Variants in MYO10 observed in about 807,000 individuals in gnomAD.
MYO10 encodes the protein myosin X.
Under a neutral mutation model 257.3 loss-of-function variants are expected in MYO10, and 133 were observed. The observed-to-expected ratio is 0.52, with a 90% confidence interval of 0.45 to 0.60. MYO10 has a LOEUF of 0.60. MYO10 is among the 20% of genes least tolerant of loss of function. The pLI, the probability that MYO10 is intolerant of heterozygous loss-of-function variation, is 0.00. For missense variants in MYO10, 2,399 were observed against 2,635.7 expected (o/e 0.91, Z 1.97); for synonymous variants, 1,104 against 1,028.6 (o/e 1.07, Z -1.40).
chr5:16,666,548 C>G lies in MYO10; in HGVS notation c.*144G>C, dbSNP rs966690273. ...TGAAGGCGGCAGGCAAAAGGATCCTCGGAGACACCTCCCTCAGACCAGAAG... is the reference window on the plus strand; with the variant it reads ...TGAAGGCGGCAGGCAAAAGGATCCTGGGAGACACCTCCCTCAGACCAGAAG... On this transcript the variant is annotated 3_prime_UTR_variant, in exon 41 of 41. Coordinates refer to ENST00000513610, the MANE Select transcript of MYO10 (RefSeq NM_012334.3). 3.1e-6 allele frequency: 2 copies of G among 637,972 alleles called. No homozygotes were observed. The highest frequency in any genetic ancestry group is 1.8e-5 in the African/African-American group (1 of 54,120). The allele number at this position is 637,972 out of a possible 1,614,324, so 39.5% of individuals were successfully genotyped here.
intron 27 of MYO10, among the ~76,000 whole-genome samples, chr5:16,693,811 T>C (rs1397056072): frequency 6.6e-6 from 1 of 152,140 alleles, no homozygotes; most frequent in Non-Finnish European, 1.5e-5. Flanking sequence ...AGGCCCTCAA[T>C]AGTCCAAAGC....
chr5:16,924,889 G>A (rs977377553), intron 1 of MYO10, among the ~76,000 whole-genome samples: 1 of 145,082 alleles, frequency 6.9e-6, no homozygotes, highest in Non-Finnish European at 1.5e-5. Context: ...GGAGTGCAGT[G>A]GCACGATCTC....
intron 36 of MYO10, among the ~76,000 whole-genome samples, chr5:16,673,236 T>G (rs2126471010): frequency 6.8e-6 from 1 of 147,280 alleles, no homozygotes; most frequent in African/African-American, 2.5e-5. Flanking sequence ...GGGGTCGGGG[T>G]GGTGGTTATT....
chr5:16,876,610 AGTG>A (rs1744611336), intron 2 of MYO10, among the ~76,000 whole-genome samples: 1 of 152,156 alleles, frequency 6.6e-6, no homozygotes, highest in South Asian at 2.1e-4. Flanking sequence ...ACCTGAGTGC[AGTG>A]GTGCAATCTC....
At chr5:16,891,718 T>A (rs1455562036) in intron 1 of MYO10, among the ~76,000 whole-genome samples, 1 of 152,156 alleles carries the variant, frequency 6.6e-6, no homozygotes, top group South Asian at 2.1e-4. Context: ...ATTCACTCCC[T>A]GGAATCCGTT....
chr5:16,729,453 A>ATTTTTT (rs1314577938), intron 19 of MYO10, among the ~76,000 whole-genome samples: 1 of 138,140 alleles, frequency 7.2e-6, no homozygotes, highest in Non-Finnish European at 1.6e-5. Context: ...TGTATTTTCT[A>ATTTTTT]TTTTTTTTTT....
At chr5:16,777,391 T>C (rs916946546) in intron 9 of MYO10, among the ~76,000 whole-genome samples, 13 of 152,180 alleles carry the variant, frequency 8.5e-5, no homozygotes. Flanking sequence ...AGGAGACACA[T>C]GTTAGCCATA....
chr5:16,896,939 G>C (rs1159190796), intron 1 of MYO10, among the ~76,000 whole-genome samples: 1 of 152,112 alleles, frequency 6.6e-6, no homozygotes, highest in African/African-American at 2.4e-5. Context: ...AAGGAAGGAA[G>C]GAAGGGAGAA....
intron 17 of MYO10, among the ~76,000 whole-genome samples, chr5:16,758,985 G>A (rs913127904): frequency 7.3e-5 from 11 of 151,716 alleles, no homozygotes; most frequent in South Asian, 2.1e-4. Flanking sequence ...GCAGTGGTGC[G>A]ATCTCGGCTC....
At chr5:16,762,479 G>A in intron 15 of MYO10, 66 bp downstream of exon 15, 7 of 1,268,060 alleles carry the variant, frequency 5.5e-6, no homozygotes, top group Non-Finnish European at 7.8e-6. Context: ...TGACATGTCT[G>A]GTGTGTAATC....
intron 4 of MYO10, among the ~76,000 whole-genome samples, chr5:16,785,534 G>A (rs1217835715): frequency 6.6e-6 from 1 of 152,194 alleles, no homozygotes; most frequent in Non-Finnish European, 1.5e-5. Flanking sequence ...TTATCCTCGG[G>A]CACACAGAAG....
At chr5:16,675,180 A>G in intron 34 of MYO10, 30 bp from the exon 35 acceptor site, 1 of 1,606,732 alleles carries the variant, frequency 6.2e-7, no homozygotes, top group Non-Finnish European at 8.5e-7. Context: ...CACGGAACTC[A>G]TCTGAGGGGT....
intron 2 of MYO10, among the ~76,000 whole-genome samples, chr5:16,869,191 ATTTTTTT>A (rs70943814): frequency 3.5e-5 from 4 of 115,864 alleles, no homozygotes; most frequent in African/African-American, 6.7e-5. Flanking sequence ...CACCCGGCTA[ATTTTTTT>A]TTTTTTTTTT....
chr5:16,858,681 C>T (rs894746177), intron 2 of MYO10, among the ~76,000 whole-genome samples: 1 of 152,086 alleles, frequency 6.6e-6, no homozygotes, highest in Non-Finnish European at 1.5e-5. Context: ...CACACAGGGC[C>T]GGGTGCAGTG....
chr5:16,827,025 TAAG>T (rs1222181075), intron 2 of MYO10, among the ~76,000 whole-genome samples: 1 of 152,180 alleles, frequency 6.6e-6, no homozygotes, highest in Non-Finnish European at 1.5e-5. Context: ...AAGAAGAGTC[TAAG>T]AAGAAAACAA....
chr5:16,934,197 T>C (rs1033957212), intron 1 of MYO10, among the ~76,000 whole-genome samples: 2 of 152,258 alleles, frequency 1.3e-5, no homozygotes, highest in African/African-American at 4.8e-5. Flanking sequence ...CAGGACGCTG[T>C]AGCGCGTTAT....
chr5:16,703,239 C>T (rs1458394099), intron 22 of MYO10, 81 bp from the exon 23 acceptor site: 11 of 1,121,132 alleles, frequency 9.8e-6, no homozygotes, highest in Non-Finnish European at 1.3e-6. Flanking sequence ...ATCAAGGCTA[C>T]AAGACAAAAG....
intron 26 of MYO10, among the ~76,000 whole-genome samples, chr5:16,695,970 A>G (rs1737728158): frequency 6.6e-6 from 1 of 152,244 alleles, no homozygotes; most frequent in African/African-American, 2.4e-5. Context: ...AACGGCTACC[A>G]GAATGAAACA....
intron 19 of MYO10, among the ~76,000 whole-genome samples, chr5:16,714,289 C>T (rs1485633400): frequency 6.6e-6 from 1 of 151,398 alleles, no homozygotes; most frequent in African/African-American, 2.4e-5. Context: ...AAGGGGCATT[C>T]CCCACAGGAA....
Sources: gnomAD v4.1 joint callset for allele counts (sites outside exome capture counted in the v4.1 genomes callset) on GRCh38, gnomAD v4.1.1 for gene constraint, MANE v1.5 for transcripts, NCBI Gene and HGNC (gene_info 2026-07-23, HGNC 2026-07-21) for gene names.